The following ZNF827 variants were observed in gnomAD, a reference collection of about 807,000 sequenced individuals.
ZNF827 encodes the protein zinc finger protein 827.
Under a neutral mutation model 102.4 loss-of-function variants are expected in ZNF827, and 13 were observed. The observed-to-expected ratio is 0.13, with a 90% CI of 0.08 to 0.20. The LOEUF (loss-of-function observed/expected upper bound fraction) is 0.20. Ranked by LOEUF, ZNF827 falls within the 10% of genes least tolerant of loss-of-function variation. ZNF827 has a pLI of 1.00. For synonymous variants in ZNF827, 523 were observed against 536.2 expected, an observed-to-expected ratio of 0.98 and a Z score of 0.34; for missense variants, 1,103 against 1,344.4, an observed-to-expected ratio of 0.82 and a Z score of 2.81.
In ZNF827 at chr4:145,885,610, CAGAGAGAGAGAGAGAGAGAG is replaced by C. The variant is rs200461563; in HGVS notation, c.1747+48_1747+67del. ...AAATAAGAATACTGGTAGACAGAGACAGAGAGAGAGAGAGAGAGAGAGAGAGAGAGAGAGAGAGAGAGAGA... is the reference window on the plus strand; with the variant it reads ...AAATAAGAATACTGGTAGACAGAGACAGAGAGAGAGAGAGAGAGAGAGAGA... On this transcript the variant is annotated intron_variant, in intron 4 of 14. Transcript: ENST00000508784. 1.1e-3 allele frequency: 1,255 copies of C among 1,174,844 alleles called. 5 individuals carry two copies. Among genetic ancestry groups the C allele is most frequent in the South Asian group, 6.9e-3 (332 of 48,012 alleles). 72.8% of individuals were successfully genotyped at this position (1,174,844 alleles called of 1,614,324 possible). A position where few individuals can be genotyped will look rare whatever the true frequency, so the allele number is the denominator to read the frequency against.
At chr4:145,851,790 A>C (rs1430363315) in intron 5 of ZNF827, among the ~76,000 whole-genome samples, 1 of 152,172 alleles carries the variant, frequency 6.6e-6, no homozygotes, top group African/African-American at 2.4e-5. Flanking sequence ...CAGTCATGAT[A>C]AAAAAATTTT....
intron 1 of ZNF827, among the ~76,000 whole-genome samples, chr4:145,913,512 C>T (rs969754022): frequency 1.3e-5 from 2 of 149,708 alleles, no homozygotes; most frequent in African/African-American, 4.9e-5. Flanking sequence ...AAAAGATATA[C>T]TCATCCTTAC....
chr4:145,769,785 A>C (rs942789545), intron 11 of ZNF827, among the ~76,000 whole-genome samples: 70 of 152,190 alleles, frequency 4.6e-4, no homozygotes, highest in Non-Finnish European at 8.8e-5. Context: ...AACTTCACAC[A>C]TTAGGACAAC....
chr4:145,926,827 T>C (rs1210190790), intron 1 of ZNF827, among the ~76,000 whole-genome samples: 1 of 151,964 alleles, frequency 6.6e-6, no homozygotes, highest in Non-Finnish European at 1.5e-5. Flanking sequence ...TTTCTCTTCT[T>C]CTGCACATAT....
At chr4:145,874,273 C>A (rs977365381) in intron 4 of ZNF827, among the ~76,000 whole-genome samples, 1 of 152,216 alleles carries the variant, frequency 6.6e-6, no homozygotes, top group East Asian at 1.9e-4. Flanking sequence ...CAAGGCACTA[C>A]ATACCTGGTT....
At chr4:145,937,458 G>C (rs1754278033) in intron 1 of ZNF827, among the ~76,000 whole-genome samples, 1 of 151,352 alleles carries the variant, frequency 6.6e-6, no homozygotes, top group African/African-American at 2.4e-5. Context: ...CCGCTCTGCA[G>C]GGACCTCGCG....
intron 4 of ZNF827, among the ~76,000 whole-genome samples, chr4:145,878,697 G>A (rs372076088): frequency 7.1e-4 from 107 of 150,608 alleles, no homozygotes; most frequent in African/African-American, 2.4e-3. Context: ...GAGAGGAAGG[G>A]AGGAAGGGAG....
chr4:145,869,404 A>G (rs938318439), intron 5 of ZNF827, among the ~76,000 whole-genome samples: 5 of 152,230 alleles, frequency 3.3e-5, no homozygotes, highest in African/African-American at 1.2e-4. Flanking sequence ...CAAACTAAAA[A>G]CAGCTTTCGA....
chr4:145,770,159 C>T (rs1386381140), intron 11 of ZNF827, among the ~76,000 whole-genome samples: 4 of 152,008 alleles, frequency 2.6e-5, no homozygotes, highest in African/African-American at 7.3e-5. Context: ...ATAAGCTGGG[C>T]GTGGTGCCCC....
At chr4:145,861,153 T>C (rs925412691) in intron 5 of ZNF827, among the ~76,000 whole-genome samples, 3 of 152,240 alleles carry the variant, frequency 2.0e-5, no homozygotes, top group Non-Finnish European at 4.4e-5. Flanking sequence ...GATTTAATTA[T>C]GCATGCAAAT....
In ZNF827 at chr4:145,902,351, A is replaced by G; in HGVS notation, c.908T>C (p.Leu303Pro). 3.7e-6 allele frequency: 6 copies of G among 1,608,556 alleles called. No homozygotes were observed. Among genetic ancestry groups the G allele is most frequent in the Non-Finnish European group, 5.1e-6 (6 of 1,176,678 alleles). The change falls in exon 2 of 15, where the codon CTG (leucine) becomes CCG (proline). Residue 303 changes from leucine to proline, a missense_variant. Physicochemically the swap from Leu to Pro is moderately conservative, Grantham distance 98. Around this residue, in one of 5 missense-constraint regions of ZNF827, gnomAD observed 441 missense variants for 458.6 expected, o/e 0.96. Transcript: ENST00000508784. This position sits in a 1 kb window ranked among gnomAD's most constrained non-coding sequence, Gnocchi z 4.3. ...EVAARAAGSL[L>P]AEKSSLLPED... ...AGGCAGCAGCGATGATTTCTCAGCC[A>G]GAAGACTGCCCGCAGCCCTTGCGGC...
At chr4:145,935,023 AAC>A (rs1004632402) in intron 1 of ZNF827, among the ~76,000 whole-genome samples, 1 of 152,182 alleles carries the variant, frequency 6.6e-6, no homozygotes, top group African/African-American at 2.4e-5. Context: ...TGGCTTCAAA[AAC>A]AGTTTTGCCC....
intron 1 of ZNF827, among the ~76,000 whole-genome samples, chr4:145,936,440 G>C (rs937336143): frequency 1.4e-5 from 2 of 144,644 alleles, no homozygotes; most frequent in Non-Finnish European, 3.1e-5. Context: ...GACTGCACAG[G>C]GGCATTTTTT....
chr4:145,915,382 G>A (rs905337777), intron 1 of ZNF827, among the ~76,000 whole-genome samples: 1 of 152,084 alleles, frequency 6.6e-6, no homozygotes, highest in African/African-American at 2.4e-5. Flanking sequence ...GGGAGGCAGA[G>A]GTTGCCATGA....
At chr4:145,821,171 T>C (rs953132491) in intron 8 of ZNF827, among the ~76,000 whole-genome samples, 13 of 152,202 alleles carry the variant, frequency 8.5e-5, no homozygotes, top group Non-Finnish European at 1.5e-4. Flanking sequence ...TTTCACCCCT[T>C]GTTGTAATAA....
chr4:145,793,970 T>A (rs995533629), intron 8 of ZNF827, among the ~76,000 whole-genome samples: 1 of 152,112 alleles, frequency 6.6e-6, no homozygotes, highest in African/African-American at 2.4e-5. Flanking sequence ...TCAGCTCAGC[T>A]CCCTCTTCAC....
rs1490603251 is a variant in ZNF827, at chr4:145,870,415, T to C, written c.1811A>G (p.Glu604Gly). The C allele has an allele frequency of 6.2e-7, 1 of 1,613,956 alleles. No individual in the cohort carries two copies. The highest frequency in any genetic ancestry group is 2.2e-5 in the East Asian group (1 of 44,890). ...CCGAGGCAAAGTCGTGCTTAGGGAC[T>C]CCCCTTCCTTAGGCTCCTCTTTCAC... is the stretch of plus-strand genomic sequence containing the variant. ...FKVKEEPKEG[E>G]SLSTTLPRSS... Residue 604 changes from glutamate (E) to glycine (G), a missense_variant, in exon 5 of 15, where the codon GAG (glutamate) becomes GGG (glycine). By Grantham distance (98) the Glu-to-Gly change is moderately conservative. Coordinates refer to ENST00000508784, the MANE Select transcript of ZNF827 (RefSeq NM_001306215.2).
At chr4:145,923,564 C>T (rs1419189176) in intron 1 of ZNF827, among the ~76,000 whole-genome samples, 1 of 151,966 alleles carries the variant, frequency 6.6e-6, no homozygotes, top group East Asian at 1.9e-4. Context: ...GGCTGCACCA[C>T]TGCACTCCAG....
Position 145,881,815 on chromosome 4 carries a change from G to A in ZNF827, c.1747+3863C>T, listed in dbSNP as rs757581089. 3.3e-5 allele frequency among the ~76,000 whole-genome samples: 5 copies of A among 152,050 alleles called. No individual in the cohort carries two copies. The South Asian group carries it at 6.2e-4, about 19-fold the overall frequency. On this transcript the variant is annotated intron_variant, in intron 4 of 14. Coordinates refer to ENST00000508784, the MANE Select transcript of ZNF827 (RefSeq NM_001306215.2). Reference sequence around the variant, plus strand: ...CCACCATGCCCCGTTTCATGGTCTCGGCTGGAGACCACAGGAACAAAACTG... The same window carrying A: ...CCACCATGCCCCGTTTCATGGTCTCAGCTGGAGACCACAGGAACAAAACTG...
Sources: gnomAD v4.1 joint callset for allele counts (sites outside exome capture counted in the v4.1 genomes callset) on GRCh38, gnomAD v4.1.1 for gene constraint, gnomAD v4.1.1 regional missense constraint, Gnocchi (gnomAD v3.1) non-coding constraint, MANE v1.5 for transcripts, NCBI Gene and HGNC (gene_info 2026-07-23, HGNC 2026-07-21) for gene names.